The following CFAP43 variants were observed in gnomAD, a reference collection of about 807,000 sequenced individuals.
The protein encoded by CFAP43 is cilia and flagella associated protein 43.
A neutral mutation model predicts 218.9 loss-of-function variants in CFAP43; 155 were observed. That is an observed-to-expected ratio of 0.71 (90% CI 0.62 to 0.81). The LOEUF is 0.81. Among genes scored for constraint, CFAP43 ranks in the 30% least tolerant of loss-of-function variants. The pLI is 0.00. For missense variants in CFAP43, 1,778 were observed against 1,954.3 expected (o/e 0.91, Z 1.70); for synonymous variants, 645 against 681.3 (o/e 0.95, Z 0.83).
intron 20 of CFAP43, among the ~76,000 whole-genome samples, chr10:104,170,518 G>A (rs2089365494): frequency 6.6e-6 from 1 of 152,262 alleles, no homozygotes; most frequent in Non-Finnish European, 1.5e-5. Context: ...GTCAAGATGA[G>A]TGGGCTGGGA....
chr10:104,147,294 T>C (rs1449380696), intron 29 of CFAP43, among the ~76,000 whole-genome samples: 1 of 151,620 alleles, frequency 6.6e-6, no homozygotes, highest in East Asian at 1.9e-4. Context: ...TAGAAAAAAG[T>C]TCATGTCATT....
chr10:104,138,951 G>A (rs2087576207), intron 34 of CFAP43, among the ~76,000 whole-genome samples: 1 of 152,160 alleles, frequency 6.6e-6, no homozygotes, highest in Non-Finnish European at 1.5e-5. Flanking sequence ...GGAAAGGATA[G>A]ACAACATGCA....
chr10:104,168,850 T>TTGTG lies in CFAP43; in HGVS notation c.2587-3_2587-2insCACA, dbSNP rs1271146646. 6.2e-7 allele frequency: 1 copy of TTGTG among 1,602,628 alleles called. No homozygotes were observed. Among genetic ancestry groups the TTGTG allele is most frequent in the East Asian group, 2.2e-5 (1 of 44,828 alleles). ...ATGCATCTCTACATCCTTTATCATCTTGAAGAACACAGACAAAGGGAAAAG... is the reference window on the plus strand; with the variant it reads ...ATGCATCTCTACATCCTTTATCATCTTGTGTGAAGAACACAGACAAAGGGAAAAG... On this transcript the variant is annotated splice_polypyrimidine_tract_variant and splice_region_variant and intron_variant, in intron 20 of 37. Coordinates refer to ENST00000357060, the MANE Select transcript of CFAP43 (RefSeq NM_025145.7).
At chr10:104,180,761 G>C (rs2089812240) in intron 17 of CFAP43, among the ~76,000 whole-genome samples, 1 of 152,004 alleles carries the variant, frequency 6.6e-6, no homozygotes, top group Non-Finnish European at 1.5e-5. Context: ...CCACCACCCT[G>C]TTTCTATGCT....
chr10:104,194,607 G>A (rs1186956445), intron 10 of CFAP43, among the ~76,000 whole-genome samples: 3 of 152,072 alleles, frequency 2.0e-5, no homozygotes, highest in East Asian at 1.9e-4. Flanking sequence ...CTGTATCACC[G>A]GAAGATGTAT....
rs758890814 is a variant in CFAP43 at position 104,140,857 on chromosome 10, C to G, written c.4416G>C (p.Leu1472Phe). 2 of 1,596,160 alleles carry G rather than the reference C, an allele frequency of 1.3e-6. No individual in the cohort carries two copies. The highest frequency in any genetic ancestry group is 2.3e-5 in the South Asian group (2 of 86,544). Reference protein sequence around the residue: ...ILINKNIIEDLNSVIRTQGQK... With the variant: ...ILINKNIIEDFNSVIRTQGQK... Reference sequence around the variant, plus strand: ...GTATAATTACCCGAATCACAGAATTCAAGTCTTCAATTATGTTCTTGTTGA... The same window carrying G: ...GTATAATTACCCGAATCACAGAATTGAAGTCTTCAATTATGTTCTTGTTGA... The change falls in exon 34 of 38, where the codon TTG becomes TTC. Residue 1472 changes from leucine to phenylalanine, a missense_variant. By Grantham distance (22) the Leu-to-Phe change is conservative. Around this residue, in one of 3 missense-constraint regions of CFAP43, gnomAD observed 211 missense variants for 230.6 expected, o/e 0.91. Transcript: ENST00000357060.
In CFAP43 at chr10:104,143,617, A is replaced by G. The variant is rs1336018646; in HGVS notation, c.3967T>C (p.Ser1323Pro). The change falls in exon 32 of 38, where the codon TCA becomes CCA. Residue 1323 changes from serine (S) to proline (P), a missense_variant. Ser to Pro is a moderately conservative substitution (Grantham distance 74, BLOSUM62 -1). This residue lies in a region of CFAP43 where 1,553 missense variants were observed against 1,685.2 expected (regional missense o/e 0.92). Coordinates refer to ENST00000357060, the MANE Select transcript of CFAP43 (RefSeq NM_025145.7). ...RPRISKQKTH[S>P]ETTSVVPFGE... Reference sequence around the variant, plus strand: ...AAAGGGACAACGCTGGTTGTTTCTGAGTGCGTTTTCTGTTTGGAAATCCTG... The same window carrying G: ...AAAGGGACAACGCTGGTTGTTTCTGGGTGCGTTTTCTGTTTGGAAATCCTG... 1.9e-6 allele frequency: 3 copies of G among 1,614,062 alleles called. No homozygotes were observed. In the Admixed American group the frequency reaches 5.0e-5, roughly 27 times the overall value.
intron 7 of CFAP43, 95 bp from the exon 8 acceptor site, chr10:104,203,898 A>C: frequency 8.9e-7 from 1 of 1,122,608 alleles, no homozygotes; most frequent in Non-Finnish European, 1.2e-6. Flanking sequence ...GATTACTTCT[A>C]CTGCTTATTT....
intron 27 of CFAP43, 46 bp from the exon 28 acceptor site, chr10:104,152,772 G>T (rs759106525): frequency 6.4e-7 from 1 of 1,572,634 alleles, no homozygotes; most frequent in Non-Finnish European, 8.6e-7. Flanking sequence ...AGTATTAAAG[G>T]CTCCTAGGAA....
intron 7 of CFAP43, among the ~76,000 whole-genome samples, 178 bp downstream of exon 7, chr10:104,205,785 T>C (rs1038820559): frequency 6.6e-6 from 1 of 152,222 alleles, no homozygotes; most frequent in Non-Finnish European, 1.5e-5. Flanking sequence ...CTCTATTTTG[T>C]ATAGATTTGA....
chr10:104,224,216 T>C (rs2091253432), intron 3 of CFAP43, among the ~76,000 whole-genome samples: 1 of 151,840 alleles, frequency 6.6e-6, no homozygotes, highest in African/African-American at 2.4e-5. Context: ...GCTAATTTTT[T>C]GTATTTTTAG....
chr10:104,169,209 G>A (rs1403158755), intron 20 of CFAP43, among the ~76,000 whole-genome samples: 1 of 152,178 alleles, frequency 6.6e-6, no homozygotes, highest in African/African-American at 2.4e-5. Context: ...TGGAACAGCA[G>A]GGAAGCAAAA....
intron 8 of CFAP43, among the ~76,000 whole-genome samples, chr10:104,201,781 C>G (rs1336891869): frequency 6.6e-6 from 1 of 151,768 alleles, no homozygotes; most frequent in Non-Finnish European, 1.5e-5. Context: ...TTTGTTGCAT[C>G]ATAGACCTTC....
chr10:104,142,250 T>A (rs1460844460), intron 33 of CFAP43, 31 bp downstream of exon 33: 1 of 1,583,964 alleles, frequency 6.3e-7, no homozygotes, highest in Admixed American at 1.7e-5. Flanking sequence ...AGACTTTGAA[T>A]AGGTGAACAT....
chr10:104,135,930 T>C (rs1403269512), intron 34 of CFAP43, among the ~76,000 whole-genome samples: 2 of 152,060 alleles, frequency 1.3e-5, no homozygotes, highest in Non-Finnish European at 2.9e-5. Context: ...GTTGGATGGC[T>C]AACATTTCCC....
At position 104,172,493 on chromosome 10, in the gene CFAP43, C is replaced by G; in HGVS notation, c.2503G>C (p.Ala835Pro). 6.2e-7 allele frequency: 1 copy of G among 1,606,786 alleles called. No homozygotes were observed. Among genetic ancestry groups the G allele is most frequent in the Non-Finnish European group, 8.5e-7 (1 of 1,178,112 alleles). Residue 835 changes from alanine (A) to proline (P), a missense_variant, in exon 20 of 38, where the codon GCA (alanine) becomes CCA (proline). This residue lies in a region of CFAP43 where 1,553 missense variants were observed against 1,685.2 expected (regional missense o/e 0.92). Transcript: ENST00000357060. Reference sequence around the variant, plus strand: ...CCAAATTCCTGTTGGTCTAATTTTGCAATATTTTCTAGTTTGTCATTTTCT... The same window carrying G: ...CCAAATTCCTGTTGGTCTAATTTTGGAATATTTTCTAGTTTGTCATTTTCT... ...MEENDKLENI[A>P]KLDQQEFGLD...
At chr10:104,225,626 A>T (rs190064517) in intron 2 of CFAP43, 69 bp from the exon 3 acceptor site, 204 of 1,268,168 alleles carry the variant, frequency 1.6e-4, no homozygotes, top group Non-Finnish European at 9.8e-6. Context: ...ATGGTCTTAC[A>T]GTTTATTTTC....
In CFAP43 at chr10:104,187,423, A is replaced by G; in HGVS notation, c.1757T>C (p.Leu586Ser). Residue 586 changes from leucine to serine, a missense_variant, in exon 14 of 38, where the codon TTG becomes TCG. This residue lies in a region of CFAP43 where 1,553 missense variants were observed against 1,685.2 expected (regional missense o/e 0.92). Coordinates refer to ENST00000357060, the MANE Select transcript of CFAP43 (RefSeq NM_025145.7). ...GACTGCAGAGGACAGAGCGTGCTCC[A>G]ACTCATACAGGTACTTATGAATGAT... ...DEIIHKYLYE[L>S]EHALSSAVLG... 6.2e-7 allele frequency: 1 copy of G among 1,609,648 alleles called. No individual in the cohort carries two copies. The highest frequency in any genetic ancestry group is 8.5e-7 in the Non-Finnish European group (1 of 1,178,472).
intron 17 of CFAP43, 81 bp downstream of exon 17, chr10:104,182,285 T>G: frequency 7.1e-7 from 1 of 1,413,300 alleles, no homozygotes; most frequent in Non-Finnish European, 9.4e-7. Flanking sequence ...AATATCTGCT[T>G]AAAGAAAACC....
Sources: allele counts gnomAD v4.1 joint callset (sites outside exome capture counted in the v4.1 genomes callset), GRCh38; gene constraint gnomAD v4.1.1; regional missense constraint gnomAD v4.1.1; transcripts MANE v1.5; gene names NCBI Gene and HGNC (gene_info 2026-07-23, HGNC 2026-07-21).